Variants in NAALADL2 observed in about 807,000 individuals in gnomAD.
The protein encoded by NAALADL2 is inactive N-acetylated-alpha-linked acidic dipeptidase-like protein 2.
NAALADL2 carries 76 observed loss-of-function variants against 87.2 expected under a neutral mutation model. That is an observed-to-expected ratio of 0.87 (90% confidence interval 0.72 to 1.05). The LOEUF (loss-of-function observed/expected upper bound fraction) is 1.05. Ranked by LOEUF, NAALADL2 falls within the 50% of genes least tolerant of loss-of-function variation. NAALADL2 has a pLI of 0.00. For synonymous variants in NAALADL2, 354 were observed against 331.0 expected, an observed-to-expected ratio of 1.07 and a Z score of -0.75; for missense variants, 1,089 against 945.8, an observed-to-expected ratio of 1.15 and a Z score of -1.99.
At chr3:175,220,595 T>A (rs939439132) in intron 2 of NAALADL2, among the ~76,000 whole-genome samples, 3 of 152,010 alleles carry the variant, frequency 2.0e-5, no homozygotes, top group Admixed American at 2.0e-4. Flanking sequence ...CCCTCCTTCT[T>A]TTTCTTTTCA....
chr3:175,699,470 A>C (rs1738674821), intron 11 of NAALADL2, among the ~76,000 whole-genome samples: 1 of 152,032 alleles, frequency 6.6e-6, no homozygotes, highest in East Asian at 1.9e-4. Context: ...AATATAGGAC[A>C]TTAACTCTGC....
intron 1 of NAALADL2, among the ~76,000 whole-genome samples, chr3:174,865,224 TA>T (rs1238711686): frequency 1.3e-5 from 2 of 151,978 alleles, no homozygotes; most frequent in African/African-American, 4.8e-5. Flanking sequence ...TCCTACCAAC[TA>T]AAAAAGTCGA....
intron 1 of NAALADL2, among the ~76,000 whole-genome samples, chr3:174,548,856 T>A (rs550752692): frequency 6.6e-6 from 1 of 152,222 alleles, no homozygotes; most frequent in South Asian, 2.1e-4. Context: ...TTATTATTAT[T>A]TGAAACAAGA....
chr3:175,166,042 T>A (rs1000713346), intron 2 of NAALADL2, among the ~76,000 whole-genome samples: 1 of 117,638 alleles, frequency 8.5e-6, no homozygotes, highest in East Asian at 2.7e-4. Context: ...ACTCCATATT[T>A]TTTTTTTTTT....
chr3:174,901,700 C>A (rs1220663219), intron 1 of NAALADL2, among the ~76,000 whole-genome samples: 2 of 151,924 alleles, frequency 1.3e-5, no homozygotes, highest in Non-Finnish European at 2.9e-5. Context: ...CCAGTCAGGT[C>A]AGAAAGAAAG....
intron 1 of NAALADL2, among the ~76,000 whole-genome samples, chr3:175,046,411 T>G (rs1007931308): frequency 1.3e-5 from 2 of 152,064 alleles, no homozygotes; most frequent in Non-Finnish European, 2.9e-5. Context: ...CTTTTCATAC[T>G]TTTTTTTCAT....
chr3:174,596,104 T>C (rs551609097), intron 2 of NAALADL2, among the ~76,000 whole-genome samples: 1 of 152,270 alleles, frequency 6.6e-6, no homozygotes, highest in African/African-American at 2.4e-5. Context: ...TGACTCTCTA[T>C]AAAATCACTA....
chr3:175,036,804 C>CCTT (rs756070794), intron 1 of NAALADL2, among the ~76,000 whole-genome samples: 2 of 117,360 alleles, frequency 1.7e-5, no homozygotes, highest in African/African-American at 6.6e-5. Flanking sequence ...TCCATCTGTT[C>CCTT]TTTTTTTTTT....
At chr3:174,806,632 T>G (rs1239911427) in intron 3 of NAALADL2, among the ~76,000 whole-genome samples, 1 of 152,234 alleles carries the variant, frequency 6.6e-6, no homozygotes, top group African/African-American at 2.4e-5. Context: ...TTTGTCCAGA[T>G]GCACAGATAA....
At chr3:175,236,841 A>C (rs1745985423) in intron 3 of NAALADL2, among the ~76,000 whole-genome samples, 2 of 152,178 alleles carry the variant, frequency 1.3e-5, no homozygotes, top group African/African-American at 4.8e-5. Flanking sequence ...CTGAATCACA[A>C]AAATGTTAAT....
intron 9 of NAALADL2, among the ~76,000 whole-genome samples, chr3:175,570,801 A>G (rs927955776): frequency 1.3e-5 from 2 of 150,096 alleles, no homozygotes; most frequent in African/African-American, 4.9e-5. Flanking sequence ...AATGGCGTGA[A>G]CCCAGGGGGC....
At chr3:175,393,459 A>G (rs1769344422) in intron 5 of NAALADL2, among the ~76,000 whole-genome samples, 2 of 151,990 alleles carry the variant, frequency 1.3e-5, no homozygotes, top group Admixed American at 1.3e-4. Context: ...CTACTATGCA[A>G]ATTTGTCTTT....
chr3:175,551,870 C>A (rs1347488707), intron 9 of NAALADL2, among the ~76,000 whole-genome samples: 3 of 150,082 alleles, frequency 2.0e-5, no homozygotes, highest in African/African-American at 7.4e-5. Flanking sequence ...TTGCAGTGAG[C>A]CGAGATCACG....
At chr3:174,722,981 TG>T (rs1459345100) in intron 2 of NAALADL2, among the ~76,000 whole-genome samples, 3 of 152,208 alleles carry the variant, frequency 2.0e-5, no homozygotes, top group Non-Finnish European at 4.4e-5. Context: ...GGCTGTATTC[TG>T]TGTAAAGTCA....
chr3:175,468,716 C>A (rs1190652490), intron 8 of NAALADL2, among the ~76,000 whole-genome samples: 3 of 151,826 alleles, frequency 2.0e-5, no homozygotes, highest in African/African-American at 7.3e-5. Context: ...ATAGACTAGG[C>A]TTGTCTAAAT....
intron 2 of NAALADL2, among the ~76,000 whole-genome samples, chr3:174,679,666 C>A (rs947375744): frequency 6.6e-6 from 1 of 152,040 alleles, no homozygotes; most frequent in African/African-American, 2.4e-5. Flanking sequence ...CTGGAAGGCA[C>A]ACCACCAAAA....
intron 3 of NAALADL2, among the ~76,000 whole-genome samples, chr3:174,830,888 T>C (rs2109368398): frequency 6.6e-6 from 1 of 151,890 alleles, no homozygotes; most frequent in East Asian, 1.9e-4. Flanking sequence ...GGGAGTTCAC[T>C]CATGATTTGG....
intron 1 of NAALADL2, among the ~76,000 whole-genome samples, chr3:175,007,150 T>TAAA (rs397877957): frequency 1.7e-4 from 12 of 70,288 alleles, no homozygotes; most frequent in African/African-American, 2.2e-4. Flanking sequence ...TTTTATAGGA[T>TAAA]AAAAAAAAAA....
intron 4 of NAALADL2, among the ~76,000 whole-genome samples, chr3:175,315,498 C>A (rs1238293649): frequency 6.6e-6 from 1 of 152,082 alleles, no homozygotes; most frequent in African/African-American, 2.4e-5. Flanking sequence ...TTTAACTTCT[C>A]TCCTGGGAAT....
Sources: allele counts gnomAD v4.1 joint callset (sites outside exome capture counted in the v4.1 genomes callset), GRCh38; gene constraint gnomAD v4.1.1; transcripts MANE v1.5; gene names NCBI Gene and HGNC (gene_info 2026-07-23, HGNC 2026-07-21).